Variants in HACD4 observed in about 807,000 individuals in gnomAD.
The protein encoded by HACD4 is 3-hydroxyacyl-CoA dehydratase 4.
A neutral mutation model predicts 33.3 loss-of-function variants in HACD4; 35 were observed. That is an observed-to-expected ratio of 1.05 (90% CI 0.80 to 1.39). The LOEUF (loss-of-function observed/expected upper bound fraction) is 1.39. Ranked by LOEUF, HACD4 falls within the 40% of genes most tolerant of loss-of-function variation. The pLI is 0.00. For synonymous variants in HACD4, 118 were observed against 98.0 expected, an observed-to-expected ratio of 1.20 and a Z score of -1.21; for missense variants, 323 against 276.5, an observed-to-expected ratio of 1.17 and a Z score of -1.19.
At chr9:21,029,470 T>C in intron 1 of HACD4, 72 bp from the exon 2 acceptor site, 1 of 934,046 alleles carries the variant, frequency 1.1e-6, no homozygotes, top group Non-Finnish European at 1.6e-6. Flanking sequence ...ACATGCCCTT[T>C]AATGTACTGG....
At chr9:21,031,515 C>A (rs1224590468) in intron 1 of HACD4, 38 bp downstream of exon 1, 3 of 1,455,788 alleles carry the variant, frequency 2.1e-6, no homozygotes, top group Non-Finnish European at 1.8e-6. Flanking sequence ...GCCCTCCACC[C>A]GCGCCCCCTC....
chr9:21,021,220 G>C (rs1007566499), intron 3 of HACD4, among the ~76,000 whole-genome samples: 1 of 152,108 alleles, frequency 6.6e-6, no homozygotes, highest in Non-Finnish European at 1.5e-5. Context: ...GTATTGATGG[G>C]ACGTATCTCA....
intron 3 of HACD4, among the ~76,000 whole-genome samples, chr9:21,016,301 G>C (rs1460597171): frequency 6.6e-6 from 1 of 152,096 alleles, no homozygotes; most frequent in South Asian, 2.1e-4. Flanking sequence ...TAGTCACTTT[G>C]ACAAGGCTTT....
intron 3 of HACD4, among the ~76,000 whole-genome samples, chr9:21,023,411 A>T (rs1360120471): frequency 6.6e-6 from 1 of 152,112 alleles, no homozygotes; most frequent in African/African-American, 2.4e-5. Flanking sequence ...GAAACACAGC[A>T]CAAAAACAAA....
chr9:21,010,963 TATAAATACAGATGAAGCTTC>T (rs1375174483), intron 5 of HACD4, among the ~76,000 whole-genome samples: 3 of 152,288 alleles, frequency 2.0e-5, no homozygotes, highest in African/African-American at 7.2e-5. Flanking sequence ...GGTGAGTGGC[TATAAATACAGATGAAGCTTC>T]ACCTGCTAGC....
intron 3 of HACD4, among the ~76,000 whole-genome samples, chr9:21,019,264 A>T (rs899510420): frequency 6.6e-6 from 1 of 152,126 alleles, no homozygotes; most frequent in East Asian, 1.9e-4. Context: ...CAAATGTAGC[A>T]TAATAGTTGA....
chr9:21,011,773 A>T, intron 4 of HACD4, 78 bp from the exon 5 acceptor site: 1 of 700,584 alleles, frequency 1.4e-6, no homozygotes, highest in Non-Finnish European at 2.5e-6. Flanking sequence ...GTGTAATTAA[A>T]TACAGAGATA....
chr9:21,008,313 G>A (rs550613654), intron 5 of HACD4, among the ~76,000 whole-genome samples, 167 bp from the exon 6 acceptor site: 107 of 152,248 alleles, frequency 7.0e-4, no homozygotes, highest in African/African-American at 2.4e-3. Flanking sequence ...TCTGTGAAAT[G>A]ATTAAGTTGG....
intron 3 of HACD4, among the ~76,000 whole-genome samples, chr9:21,018,099 T>A (rs1011615029): frequency 6.6e-6 from 1 of 152,188 alleles, no homozygotes; most frequent in Non-Finnish European, 1.5e-5. Context: ...TCAATCTAAT[T>A]CGTTAACAAA....
intron 4 of HACD4, among the ~76,000 whole-genome samples, chr9:21,012,290 C>T (rs1445404213): frequency 6.6e-6 from 1 of 152,136 alleles, no homozygotes; most frequent in African/African-American, 2.4e-5. Context: ...TCAGAATCAC[C>T]TAGATGGCAT....
chr9:21,000,776 C>T lies in HACD4; in HGVS notation c.*6261G>A, dbSNP rs1011320263. 6.6e-6 allele frequency: 1 copy of T among 152,056 alleles called. No homozygotes were observed. Among genetic ancestry groups the T allele is most frequent in the African/African-American group, 2.4e-5 (1 of 41,414 alleles). The allele number at this position is 152,056 out of a possible 1,614,324, so 9.4% of individuals were successfully genotyped here. A position where few individuals can be genotyped will look rare whatever the true frequency, so the allele number is the denominator to read the frequency against. Reference sequence around the variant, plus strand: ...GCATATTTTAACCTTAATTTTAAATCACTTTAACACTTTAGTACCATAAAA... The same window carrying T: ...GCATATTTTAACCTTAATTTTAAATTACTTTAACACTTTAGTACCATAAAA... On this transcript the variant is annotated 3_prime_UTR_variant, in exon 7 of 7. Coordinates refer to ENST00000495827, the MANE Select transcript of HACD4 (RefSeq NM_001010915.5).
At chr9:21,027,879 A>G (rs1407575606) in intron 2 of HACD4, among the ~76,000 whole-genome samples, 2 of 152,224 alleles carry the variant, frequency 1.3e-5, no homozygotes, top group African/African-American at 4.8e-5. Flanking sequence ...TCACGCCTGT[A>G]ATCCCAGCAC....
intron 4 of HACD4, among the ~76,000 whole-genome samples, chr9:21,014,741 AG>A (rs1236914032): frequency 6.6e-6 from 1 of 152,244 alleles, no homozygotes; most frequent in Admixed American, 6.5e-5. Flanking sequence ...TATTAAAATA[AG>A]AAAGGTTAAG....
chr9:21,019,069 A>G (rs1426047584), intron 3 of HACD4, among the ~76,000 whole-genome samples: 2 of 152,142 alleles, frequency 1.3e-5, no homozygotes, highest in East Asian at 3.8e-4. Context: ...TATATATTCA[A>G]AAACTACCAA....
chr9:21,010,465 C>A (rs61095438), intron 5 of HACD4, among the ~76,000 whole-genome samples: 1 of 117,728 alleles, frequency 8.5e-6, no homozygotes, highest in East Asian at 2.3e-4. Context: ...TACCCCCCCC[C>A]CCCCCAGAGC....
chr9:21,021,111 G>T (rs1163386221), intron 3 of HACD4, among the ~76,000 whole-genome samples: 1 of 152,126 alleles, frequency 6.6e-6, no homozygotes, highest in Non-Finnish European at 1.5e-5. Context: ...CATATAAACA[G>T]AACCAAAGAC....
intron 5 of HACD4, 57 bp downstream of exon 5, chr9:21,011,532 C>A: frequency 2.9e-6 from 3 of 1,022,640 alleles, no homozygotes; most frequent in African/African-American, 1.6e-5. Flanking sequence ...TTTAGTGAAC[C>A]ATTATAACTA....
At position 21,003,867 on chromosome 9, in the gene HACD4, A is replaced by T. The variant is rs1347243905; in HGVS notation, c.*3170T>A. 6.6e-6 allele frequency: 1 copy of T among 152,188 alleles called. No individual in the cohort carries two copies. Among genetic ancestry groups the T allele is most frequent in the Non-Finnish European group, 1.5e-5 (1 of 68,034 alleles). 9.4% of individuals were successfully genotyped at this position (152,188 alleles called of 1,614,324 possible). On this transcript the variant is annotated 3_prime_UTR_variant, in exon 7 of 7. Transcript: ENST00000495827. ...CAACAATTCAGTAATAATCCAAAAC[A>T]TGAATTTTCCTTTTTAAAAAGTACT... is the stretch of plus-strand genomic sequence containing the variant.
At chr9:21,023,423 C>G (rs1817978480) in intron 3 of HACD4, among the ~76,000 whole-genome samples, 1 of 152,044 alleles carries the variant, frequency 6.6e-6, no homozygotes, top group South Asian at 2.1e-4. Flanking sequence ...AAAAACAAAC[C>G]TATCCCCTGT....
Sources: allele counts gnomAD v4.1 joint callset (sites outside exome capture counted in the v4.1 genomes callset), GRCh38; gene constraint gnomAD v4.1.1; transcripts MANE v1.5; gene names NCBI Gene and HGNC (gene_info 2026-07-23, HGNC 2026-07-21).